The following MELK variants were observed in gnomAD, a reference collection of about 807,000 sequenced individuals.
MELK encodes the protein maternal embryonic leucine zipper kinase, also known as pEg3 kinase.
MELK carries 81 observed loss-of-function variants against 85.0 expected under a neutral mutation model. The observed-to-expected ratio is 0.95, with a 90% CI of 0.80 to 1.15. The LOEUF is 1.15. Ranked by LOEUF, MELK falls within the 50% of genes most tolerant of loss-of-function variation. MELK has a pLI of 0.00. For synonymous variants in MELK, 252 were observed against 265.0 expected, an observed-to-expected ratio of 0.95 and a Z score of 0.48; for missense variants, 754 against 777.5, an observed-to-expected ratio of 0.97 and a Z score of 0.36.
At chr9:36,647,658 T>G (rs1435354516) in intron 11 of MELK, among the ~76,000 whole-genome samples, 2 of 152,010 alleles carry the variant, frequency 1.3e-5, no homozygotes, top group Admixed American at 1.3e-4. Flanking sequence ...CCAGCTAATT[T>G]TTGTATTTTT....
chr9:36,610,438 C>G (rs1379256247), intron 8 of MELK, among the ~76,000 whole-genome samples: 1 of 152,214 alleles, frequency 6.6e-6, no homozygotes, highest in Non-Finnish European at 1.5e-5. Flanking sequence ...AGCTCTGATT[C>G]TGCAGGATCA....
intron 11 of MELK, among the ~76,000 whole-genome samples, chr9:36,643,574 T>G (rs1310417716): frequency 6.6e-6 from 1 of 152,102 alleles, no homozygotes; most frequent in Admixed American, 6.6e-5. Flanking sequence ...GTGCTAGATA[T>G]CTTCTTTAAA....
At chr9:36,621,275 G>GAAAAAAAAAAAAAAAAAAAAAAAAAAAAA (rs74181196) in intron 8 of MELK, among the ~76,000 whole-genome samples, 3 of 32,448 alleles carry the variant, frequency 9.2e-5, no homozygotes, top group South Asian at 9.2e-4. Context: ...CTGTCTCAGG[G>GAAAAAAAAAAAAAAAAAAAAAAAAAAAAA]AAAAAAAAAA....
intron 7 of MELK, among the ~76,000 whole-genome samples, chr9:36,600,359 C>T (rs982997019): frequency 3.3e-5 from 5 of 151,536 alleles, no homozygotes; most frequent in Non-Finnish European, 7.4e-5. Context: ...CAATTATAGG[C>T]ATGAGCCACT....
At chr9:36,647,354 C>T (rs1323497467) in intron 11 of MELK, among the ~76,000 whole-genome samples, 1 of 152,134 alleles carries the variant, frequency 6.6e-6, no homozygotes, top group East Asian at 1.9e-4. Context: ...ATGGGGCTAT[C>T]ATAGATGTGG....
intron 14 of MELK, among the ~76,000 whole-genome samples, chr9:36,668,953 T>G (rs1163808702): frequency 6.6e-6 from 1 of 152,206 alleles, no homozygotes; most frequent in Non-Finnish European, 1.5e-5. Context: ...TGGGCCCTTG[T>G]ATAAATACAG....
At chr9:36,589,713 A>G in intron 4 of MELK, 61 bp downstream of exon 4, 1 of 1,221,452 alleles carries the variant, frequency 8.2e-7, no homozygotes, top group Non-Finnish European at 1.2e-6. Flanking sequence ...GTAAAAGAGA[A>G]AAGTACATTT....
intron 8 of MELK, among the ~76,000 whole-genome samples, chr9:36,615,691 C>T (rs1826650169): frequency 6.9e-6 from 1 of 145,114 alleles, no homozygotes; most frequent in Non-Finnish European, 1.5e-5. Context: ...CTCGGCCGGG[C>T]AGAGGCGCTC....
intron 10 of MELK, among the ~76,000 whole-genome samples, chr9:36,640,582 G>C (rs1364256812): frequency 6.6e-6 from 1 of 152,138 alleles, no homozygotes; most frequent in Non-Finnish European, 1.5e-5. Context: ...GAGTAGCTAG[G>C]ACTACGCATG....
intron 10 of MELK, among the ~76,000 whole-genome samples, chr9:36,638,949 G>A (rs1829480004): frequency 6.6e-6 from 1 of 152,168 alleles, no homozygotes; most frequent in Non-Finnish European, 1.5e-5. Flanking sequence ...TGATAGGCTA[G>A]CTGATTCAAG....
Position 36,597,247 on chromosome 9 carries a change from A to G in MELK, c.431A>G (p.His144Arg), listed in dbSNP as rs1824387319. 1.2e-6 allele frequency: 2 copies of G among 1,613,972 alleles called. No homozygotes were observed. The highest frequency in any genetic ancestry group is 2.7e-5 in the African/African-American group (2 of 75,060). ...KPENLLFDEY[H>R]KLKLIDFGLC... ...GAAAATTTGCTGTTTGATGAATATCATAAATTAAAGCTGATTGACTTTGGT... is the reference window on the plus strand; with the variant it reads ...GAAAATTTGCTGTTTGATGAATATCGTAAATTAAAGCTGATTGACTTTGGT... The change falls in exon 6 of 18, where the codon CAT becomes CGT. Residue 144 changes from histidine to arginine, a missense_variant. Coordinates refer to ENST00000298048, the MANE Select transcript of MELK (RefSeq NM_014791.4).
At chr9:36,632,654 T>C (rs1828753283) in intron 9 of MELK, among the ~76,000 whole-genome samples, 1 of 152,244 alleles carries the variant, frequency 6.6e-6, no homozygotes, top group Non-Finnish European at 1.5e-5. Context: ...TCTCCTTACA[T>C]TTGAAAATTA....
chr9:36,654,164 G>A (rs1830987977), intron 12 of MELK, among the ~76,000 whole-genome samples: 1 of 152,036 alleles, frequency 6.6e-6, no homozygotes, highest in African/African-American at 2.4e-5. Flanking sequence ...AAACTTTCAG[G>A]TGCAAGTAAC....
chr9:36,663,086 T>C (rs1832009601), intron 13 of MELK, among the ~76,000 whole-genome samples: 1 of 152,054 alleles, frequency 6.6e-6, no homozygotes. Flanking sequence ...GTTTCTTTTT[T>C]TTTTTCTTTT....
At chr9:36,637,315 A>G (rs1037489511) in intron 10 of MELK, among the ~76,000 whole-genome samples, 2 of 152,206 alleles carry the variant, frequency 1.3e-5, no homozygotes, top group Non-Finnish European at 1.5e-5. Flanking sequence ...TTTATAGATA[A>G]GGGAACGGAA....
intron 13 of MELK, among the ~76,000 whole-genome samples, chr9:36,663,649 G>C (rs887764736): frequency 1.4e-4 from 21 of 152,028 alleles, no homozygotes; most frequent in African/African-American, 5.1e-4. Flanking sequence ...TCTGTGTCTG[G>C]CTTGTTTCAC....
chr9:36,654,882 G>A (rs931503138), intron 12 of MELK, among the ~76,000 whole-genome samples: 4 of 152,256 alleles, frequency 2.6e-5, no homozygotes, highest in South Asian at 4.2e-4. Context: ...TTTTGGGTTC[G>A]CTTCTAATCT....
intron 6 of MELK, among the ~76,000 whole-genome samples, chr9:36,598,745 T>A (rs1824575942): frequency 6.6e-6 from 1 of 152,098 alleles, no homozygotes; most frequent in African/African-American, 2.4e-5. Context: ...CCGGGATACT[T>A]GGGGATGGAA....
At chr9:36,584,304 CTCTTT>C (rs1362575249) in intron 3 of MELK, among the ~76,000 whole-genome samples, 5 of 140,520 alleles carry the variant, frequency 3.6e-5, no homozygotes, top group African/African-American at 7.9e-5. Context: ...CGCGCCCGGC[CTCTTT>C]TCTTTTCTTT....
Sources: allele counts gnomAD v4.1 joint callset (sites outside exome capture counted in the v4.1 genomes callset), GRCh38; gene constraint gnomAD v4.1.1; transcripts MANE v1.5; gene names NCBI Gene and HGNC (gene_info 2026-07-23, HGNC 2026-07-21).